The following NELL1 variants were observed in gnomAD, a reference collection of about 807,000 sequenced individuals.
NELL1 encodes the protein protein kinase C-binding protein NELL1.
Under a neutral mutation model 107.4 loss-of-function variants are expected in NELL1, and 76 were observed. That is an observed-to-expected ratio of 0.71 (90% CI 0.59 to 0.86). The LOEUF is 0.86. Among genes scored for constraint, NELL1 ranks in the 40% least tolerant of loss-of-function variants. The probability of loss-of-function intolerance (pLI) is 0.00; values close to 1 mark genes in which losing one functional copy is unlikely to be tolerated. For synonymous variants in NELL1, 353 were observed against 341.2 expected, an observed-to-expected ratio of 1.03 and a Z score of -0.38; for missense variants, 1,024 against 1,005.5, an observed-to-expected ratio of 1.02 and a Z score of -0.25.
At chr11:21,429,750 A>G (rs1564889512) in intron 15 of NELL1, among the ~76,000 whole-genome samples, 1 of 152,192 alleles carries the variant, frequency 6.6e-6, no homozygotes. Context: ...AGTGAGCAGG[A>G]AAGTCCCTTG....
At chr11:20,702,540 C>T (rs1008851282) in intron 2 of NELL1, among the ~76,000 whole-genome samples, 1 of 152,112 alleles carries the variant, frequency 6.6e-6, no homozygotes, top group Admixed American at 6.6e-5. Context: ...GAACTTCCAA[C>T]ACTATGTTGA....
chr11:21,043,978 G>C (rs183782829), intron 12 of NELL1, among the ~76,000 whole-genome samples: 1 of 152,264 alleles, frequency 6.6e-6, no homozygotes, highest in Non-Finnish European at 1.5e-5. Flanking sequence ...GACACATTAA[G>C]TCTTAAGTTC....
At chr11:21,477,531 A>G (rs1854367493) in intron 15 of NELL1, among the ~76,000 whole-genome samples, 1 of 152,158 alleles carries the variant, frequency 6.6e-6, no homozygotes, top group Admixed American at 6.5e-5. Flanking sequence ...CCAAAAACTT[A>G]GACCACAACA....
rs1457786689 is a variant in NELL1, at chr11:21,221,205, G to A, written c.1427-8127G>A. 3.9e-5 allele frequency among the ~76,000 whole-genome samples: 6 copies of A among 152,226 alleles called. No individual in the cohort carries two copies. The East Asian group carries it at 1.2e-3, about 29-fold the overall frequency. On this transcript the variant is annotated intron_variant, in intron 13 of 19. Coordinates refer to ENST00000357134, the MANE Select transcript of NELL1 (RefSeq NM_006157.5). ...CATTTATTGATTTGAGTATGTTGAAGCATCCTTGCATCTCCAAGGTAATTA... is the reference window on the plus strand; with the variant it reads ...CATTTATTGATTTGAGTATGTTGAAACATCCTTGCATCTCCAAGGTAATTA...
At chr11:21,374,962 C>T (rs1485669390) in intron 15 of NELL1, among the ~76,000 whole-genome samples, 2 of 151,276 alleles carry the variant, frequency 1.3e-5, no homozygotes. Flanking sequence ...CAGGTGTGGA[C>T]TTGCACATCC....
intron 14 of NELL1, among the ~76,000 whole-genome samples, chr11:21,304,584 C>G (rs569599471): frequency 6.6e-6 from 1 of 150,822 alleles, no homozygotes; most frequent in Admixed American, 6.6e-5. Flanking sequence ...TTTTTTCTCT[C>G]TCTCTCCTTT....
chr11:20,786,861 A>T (rs1163011828), intron 3 of NELL1, among the ~76,000 whole-genome samples: 1 of 151,796 alleles, frequency 6.6e-6, no homozygotes, highest in Non-Finnish European at 1.5e-5. Flanking sequence ...ACAAAAAATT[A>T]GCCGGGCATG....
chr11:21,128,147 G>A (rs956768643), intron 13 of NELL1, among the ~76,000 whole-genome samples: 2 of 152,098 alleles, frequency 1.3e-5, no homozygotes, highest in Non-Finnish European at 2.9e-5. Context: ...AAAATAGGAG[G>A]TTAAAGAGCT....
intron 12 of NELL1, among the ~76,000 whole-genome samples, chr11:20,987,212 C>G (rs1590503798): frequency 6.6e-6 from 1 of 152,060 alleles, no homozygotes; most frequent in Non-Finnish European, 1.5e-5. Flanking sequence ...TTCTTATTCC[C>G]CCTTTGAAAC....
chr11:20,911,001 A>G (rs1850118716), intron 5 of NELL1, among the ~76,000 whole-genome samples: 4 of 152,208 alleles, frequency 2.6e-5, no homozygotes, highest in African/African-American at 9.6e-5. Context: ...CTGTATGTTT[A>G]ACTGTATACT....
chr11:21,227,256 C>T (rs1293845717), intron 13 of NELL1, among the ~76,000 whole-genome samples: 1 of 152,076 alleles, frequency 6.6e-6, no homozygotes, highest in African/African-American at 2.4e-5. Context: ...CTAGCATGAC[C>T]ACACATGCTA....
At chr11:21,085,853 A>G (rs991453028) in intron 12 of NELL1, among the ~76,000 whole-genome samples, 10 of 152,196 alleles carry the variant, frequency 6.6e-5, no homozygotes, top group African/African-American at 2.4e-4. Context: ...AAAGCAAAGG[A>G]GCATTTTAAG....
intron 13 of NELL1, among the ~76,000 whole-genome samples, chr11:21,215,287 T>G (rs1159458355): frequency 6.6e-6 from 1 of 152,214 alleles, no homozygotes; most frequent in African/African-American, 2.4e-5. Context: ...GCCATGATTA[T>G]AAGTTTCCTG....
At chr11:20,854,005 G>T (rs1311300973) in intron 4 of NELL1, among the ~76,000 whole-genome samples, 1 of 152,060 alleles carries the variant, frequency 6.6e-6, no homozygotes, top group Non-Finnish European at 1.5e-5. Flanking sequence ...GTGAGGAGTG[G>T]TTCAGAAACT....
At chr11:21,309,464 C>T (rs1463031135) in intron 14 of NELL1, among the ~76,000 whole-genome samples, 2 of 151,432 alleles carry the variant, frequency 1.3e-5, no homozygotes, top group African/African-American at 4.8e-5. Flanking sequence ...AATGAGTTTA[C>T]CTTACCCCTT....
intron 2 of NELL1, among the ~76,000 whole-genome samples, chr11:20,766,031 C>A (rs758703656): frequency 6.6e-6 from 1 of 152,108 alleles, no homozygotes. Context: ...GGGTTTTGAA[C>A]AAGGCAGTGG....
intron 15 of NELL1, among the ~76,000 whole-genome samples, chr11:21,397,787 G>T (rs80210412): frequency 0.025 from 3,839 of 151,556 alleles, 66 homozygotes; most frequent in East Asian, 0.064. Flanking sequence ...GTCACTTTTG[G>T]ATATGATTAG....
intron 14 of NELL1, among the ~76,000 whole-genome samples, chr11:21,280,621 A>T (rs1462230485): frequency 6.6e-6 from 1 of 152,130 alleles, no homozygotes. Flanking sequence ...TAGTAACACC[A>T]GCCCACGGAG....
intron 14 of NELL1, among the ~76,000 whole-genome samples, chr11:21,369,310 T>G (rs1249437626): frequency 2.0e-5 from 3 of 151,824 alleles, no homozygotes; most frequent in African/African-American, 7.2e-5. Context: ...CATCTCTACA[T>G]GTGTATTTTA....
Sources: gnomAD v4.1 joint callset for allele counts (sites outside exome capture counted in the v4.1 genomes callset) on GRCh38, gnomAD v4.1.1 for gene constraint, MANE v1.5 for transcripts, NCBI Gene and HGNC (gene_info 2026-07-23, HGNC 2026-07-21) for gene names.